CASP1: variants seen among roughly 807,000 people sequenced by gnomAD.
CASP1 encodes the protein caspase 1.
A neutral mutation model predicts 41.2 loss-of-function variants in CASP1; 31 were observed. That is an observed-to-expected ratio of 0.75 (90% confidence interval 0.57 to 1.02). The LOEUF (loss-of-function observed/expected upper bound fraction) is 1.02, where lower values mean the gene tolerates loss of function less well. CASP1 is among the 50% of genes least tolerant of loss of function. CASP1 has a pLI of 0.00. For synonymous variants in CASP1, 163 were observed against 166.5 expected (o/e 0.98, Z 0.16); for missense variants, 490 against 495.7 (o/e 0.99, Z 0.11).
intron 5 of CASP1, 106 bp downstream of exon 5, chr11:105,030,224 T>C (rs1863600338): frequency 2.0e-6 from 2 of 986,934 alleles, no homozygotes; most frequent in East Asian, 2.4e-5. Flanking sequence ...GTTTGTATTT[T>C]AGATTATCAA....
chr11:105,033,610 G>C (rs921758075), intron 2 of CASP1, among the ~76,000 whole-genome samples: 49 of 152,240 alleles, frequency 3.2e-4, no homozygotes, highest in African/African-American at 1.2e-3. Context: ...CTCACAGCAT[G>C]ACCCACAGCC....
chr11:105,036,261 C>A (rs1381700274), upstream of CASP1, among the ~76,000 whole-genome samples: 1 of 152,102 alleles, frequency 6.6e-6, no homozygotes, highest in Non-Finnish European at 1.5e-5. Context: ...TTGTTAGAAT[C>A]CTCAAGCAGT....
intron 4 of CASP1, chr11:105,030,728 T>C (rs1591199426): frequency 2.1e-6 from 1 of 472,006 alleles, no homozygotes; most frequent in East Asian, 3.4e-5. Flanking sequence ...TCTTGATAGG[T>C]AGGATTTTGA....
chr11:105,031,330 CTTTGTG>C (rs1431060450), intron 3 of CASP1, 50 bp from the exon 4 acceptor site: 4 of 1,104,128 alleles, frequency 3.6e-6, no homozygotes, highest in Non-Finnish European at 5.5e-6. Flanking sequence ...GTTTGTTCCA[CTTTGTG>C]TTTGTTACAG....
chr11:105,030,515 G>T lies in CASP1; in HGVS notation c.454-12C>A. The T allele has an allele frequency of 6.2e-7, 1 of 1,605,742 alleles. No homozygotes were observed. The highest frequency in any genetic ancestry group is 8.5e-7 in the Non-Finnish European group (1 of 1,175,668). On this transcript the variant is annotated splice_polypyrimidine_tract_variant and intron_variant, in intron 4 of 8. Coordinates refer to ENST00000533400, the MANE Select transcript of CASP1 (RefSeq NM_001257118.3). ...ATTATTGGATAAATCTGTAGGAAAT[G>T]CAATTTGAATGAACAGCCTTGTTCT...
chr11:105,034,980 T>TC (rs1863937720), intron 1 of CASP1, 127 bp downstream of exon 1: 1 of 1,209,626 alleles, frequency 8.3e-7, no homozygotes, highest in Non-Finnish European at 1.2e-6. Context: ...CTCCTCCCTC[T>TC]CCCCCCTTTT....
upstream of CASP1, among the ~76,000 whole-genome samples, chr11:105,035,618 G>GTT (rs56746743): frequency 3.9e-5 from 4 of 103,438 alleles, no homozygotes; most frequent in Admixed American, 1.3e-4. Context: ...TTTTCTTTCT[G>GTT]TTTTTTTTTT....
upstream of CASP1, chr11:105,035,177 C>T (rs1447727098): frequency 2.5e-6 from 4 of 1,605,816 alleles, no homozygotes; most frequent in Non-Finnish European, 3.4e-6. Context: ...TCCTTTTTGG[C>T]AGGGCCTGTA....
chr11:105,027,824 T>C (rs2134813187), intron 7 of CASP1, among the ~76,000 whole-genome samples: 1 of 152,210 alleles, frequency 6.6e-6, no homozygotes, highest in South Asian at 2.1e-4. Context: ...TAGATAATTA[T>C]TTTTCTTCAG....
intron 2 of CASP1, chr11:105,033,954 A>G: frequency 1.3e-6 from 1 of 766,878 alleles, no homozygotes; most frequent in Non-Finnish European, 2.3e-6. Flanking sequence ...GATGGTTCTC[A>G]AGAGCTTCAG....
rs771745371 is a variant in CASP1 at position 105,034,220 on chromosome 11, C to T, written c.262G>A (p.Gly88Arg). 1.8e-5 allele frequency: 29 copies of T among 1,614,038 alleles called. No homozygotes were observed. The highest frequency in any genetic ancestry group is 2.5e-5 in the Non-Finnish European group (29 of 1,179,958). Residue 88 changes from glycine to arginine, a missense_variant, in exon 2 of 9, where the codon GGA becomes AGA. By Grantham distance (125) the Gly-to-Arg change is moderately radical. Coordinates refer to ENST00000533400, the MANE Select transcript of CASP1 (RefSeq NM_001257118.3). ...EEDSYLAGTL[G>R]LSADQTSGNY... is the part of the protein sequence containing the mutation. ...CACTGACCCTTACCTGCTGAGAGTCCCAGCGTCCCTGCCAGGTAACTGTCT... is the reference window on the plus strand; with the variant it reads ...CACTGACCCTTACCTGCTGAGAGTCTCAGCGTCCCTGCCAGGTAACTGTCT...
rs569945106 is a variant in CASP1 at position 105,026,093 on chromosome 11, G to T, written c.*165C>A. The T allele has an allele frequency of 4.1e-5, 22 of 531,448 alleles. No individual in the cohort carries two copies. In the South Asian group the frequency reaches 5.8e-4, roughly 14 times the overall value. 32.9% of individuals were successfully genotyped at this position (531,448 alleles called of 1,614,324 possible). A position where few individuals can be genotyped will look rare whatever the true frequency, so the allele number is the denominator to read the frequency against. Reference sequence around the variant, plus strand: ...ATCATGTGGGCGCTCACACAGTGTTGGATTTTAGAGCATTTCAAAATTCAA... The same window carrying T: ...ATCATGTGGGCGCTCACACAGTGTTTGATTTTAGAGCATTTCAAAATTCAA... On this transcript the variant is annotated 3_prime_UTR_variant, in exon 9 of 9. Transcript: ENST00000533400.
chr11:105,035,788 G>C (rs570712206), upstream of CASP1, among the ~76,000 whole-genome samples: 22 of 151,820 alleles, frequency 1.4e-4, no homozygotes, highest in African/African-American at 5.3e-4. Flanking sequence ...GCTAATATTT[G>C]TATCTCTTGT....
intron 6 of CASP1, 56 bp from the exon 7 acceptor site, chr11:105,029,323 C>A: frequency 6.8e-7 from 1 of 1,463,246 alleles, no homozygotes; most frequent in Non-Finnish European, 9.4e-7. Context: ...AGATGTTTTC[C>A]TCCTAGCCTC....
intron 4 of CASP1, chr11:105,030,775 C>T (rs1863641877): frequency 2.4e-6 from 1 of 420,374 alleles, no homozygotes; most frequent in Non-Finnish European, 4.2e-6. Context: ...TGACTGAATT[C>T]TAAAACTGAT....
Position 105,031,206 on chromosome 11 carries a change from G to C in CASP1, c.412C>G (p.Leu138Val), listed in dbSNP as rs746909649. 7 of 1,612,770 alleles carry C rather than the reference G, an allele frequency of 4.3e-6. No homozygotes were observed. In the South Asian group the frequency reaches 7.7e-5, roughly 18 times the overall value. The part of the protein sequence containing the change: ...GSEGNVKLCS[L>V]EEAQRIWKQK... ...TTCCATATCCTTTGAGCTTCTTCTAGGGAGCAAAGCTTGACATTCCCTTCT... is the reference window on the plus strand; with the variant it reads ...TTCCATATCCTTTGAGCTTCTTCTACGGAGCAAAGCTTGACATTCCCTTCT... Residue 138 changes from leucine to valine, a missense_variant, in exon 4 of 9, where the codon CTA (leucine) becomes GTA (valine). Physicochemically the swap from Leu to Val is conservative, Grantham distance 32. Coordinates refer to ENST00000533400, the MANE Select transcript of CASP1 (RefSeq NM_001257118.3).
At position 105,032,527 on chromosome 11, in the gene CASP1, A is replaced by T. The variant is rs535552624; in HGVS notation, c.337+537T>A. Among the ~76,000 whole-genome samples, 17 of 152,266 alleles carry T rather than the reference A, an allele frequency of 1.1e-4. 1 individual carries two copies. The highest frequency in any genetic ancestry group is 3.1e-4 in the African/African-American group (13 of 41,566). On this transcript the variant is annotated intron_variant, in intron 3 of 8. Transcript: ENST00000533400. Reference sequence around the variant, plus strand: ...ATAAGTTTAAGAGTGCACTATGGGAATAGGGGTTCTTTAATAAAATAATAG... The same window carrying T: ...ATAAGTTTAAGAGTGCACTATGGGATTAGGGGTTCTTTAATAAAATAATAG...
chr11:105,035,249 A>G (rs1863956827), upstream of CASP1: 6 of 1,242,224 alleles, frequency 4.8e-6, no homozygotes, highest in South Asian at 1.2e-5. Flanking sequence ...TTCCCATTAA[A>G]GAATCAGAAC....
chr11:105,026,153 A>G lies in CASP1; in HGVS notation c.*105T>C, dbSNP rs534811. On this transcript the variant is annotated 3_prime_UTR_variant, in exon 9 of 9. Coordinates refer to ENST00000533400, the MANE Select transcript of CASP1 (RefSeq NM_001257118.3). Reference sequence around the variant, plus strand: ...TTAAGGATTCTCAGCCTGTAAACCTAGAGTTCTTGACTCAAATGGACTTTC... The same window carrying G: ...TTAAGGATTCTCAGCCTGTAAACCTGGAGTTCTTGACTCAAATGGACTTTC... The G allele has an allele frequency of 0.16, 106,867 of 684,146 alleles. 9,551 individuals are homozygous for G. The highest frequency in any genetic ancestry group is 0.28 in the Admixed American group (10,695 of 38,518). The allele number at this position is 684,146 out of a possible 1,614,324, so 42.4% of individuals were successfully genotyped here.
Sources: allele counts gnomAD v4.1 joint callset (sites outside exome capture counted in the v4.1 genomes callset), GRCh38; gene constraint gnomAD v4.1.1; transcripts MANE v1.5; gene names NCBI Gene and HGNC (gene_info 2026-07-23, HGNC 2026-07-21).